The following CSMD1 variants were observed in gnomAD, a reference collection of about 807,000 sequenced individuals.
The protein encoded by CSMD1 is CUB and sushi domain-containing protein 1.
In CSMD1, 213 loss-of-function variants were observed where a neutral mutation model predicts 417.5. The ratio of observed to expected loss-of-function variants is 0.51; its 90% CI spans 0.46 to 0.57. CSMD1 has a LOEUF of 0.57. CSMD1 is among the 20% of genes least tolerant of loss of function. The pLI is 0.00. For synonymous variants in CSMD1, 2,862 were observed against 1,736.8 expected (o/e 1.65, Z -16.11); for missense variants, 6,923 against 4,529.7 (o/e 1.53, Z -15.17).
chr8:4,510,159 T>C (rs919561501), intron 2 of CSMD1, among the ~76,000 whole-genome samples: 5 of 152,016 alleles, frequency 3.3e-5, no homozygotes, highest in Non-Finnish European at 7.4e-5. Flanking sequence ...CCTGCTGCCA[T>C]GGAAGACGTG....
In CSMD1 at chr8:3,463,322, C is replaced by T. The variant is rs138109925; in HGVS notation, c.1561+5390G>A. Among the ~76,000 whole-genome samples, 1,091 of 152,282 alleles carry T rather than the reference C, an allele frequency of 7.2e-3. 14 individuals are homozygous for T. The highest frequency in any genetic ancestry group is 0.025 in the African/African-American group (1,033 of 41,566). On this transcript the variant is annotated intron_variant, in intron 12 of 69. Transcript: ENST00000635120. Reference sequence around the variant, plus strand: ...GCTTCCAAGAAAAAGGATAATTTGTCATAGACTTAAGTCAAGCCCTTGGAA... The same window carrying T: ...GCTTCCAAGAAAAAGGATAATTTGTTATAGACTTAAGTCAAGCCCTTGGAA...
At chr8:4,103,082 G>A (rs1563127134) in intron 3 of CSMD1, among the ~76,000 whole-genome samples, 1 of 152,130 alleles carries the variant, frequency 6.6e-6, no homozygotes, top group Non-Finnish European at 1.5e-5. Flanking sequence ...TTGGTTTTGA[G>A]CTCCAGACAG....
intron 2 of CSMD1, among the ~76,000 whole-genome samples, chr8:4,496,699 C>T (rs768023305): frequency 6.6e-6 from 1 of 152,126 alleles, no homozygotes; most frequent in Admixed American, 6.5e-5. Flanking sequence ...AGGCACAGCA[C>T]TTGCATTCAA....
intron 3 of CSMD1, among the ~76,000 whole-genome samples, chr8:4,385,634 T>C (rs1269670157): frequency 1.3e-5 from 2 of 152,198 alleles, no homozygotes; most frequent in East Asian, 1.9e-4. Context: ...CAGTAACAGA[T>C]GCAAAGACAA....
At chr8:3,565,188 A>G (rs1328196735) in intron 10 of CSMD1, among the ~76,000 whole-genome samples, 1 of 123,690 alleles carries the variant, frequency 8.1e-6, no homozygotes, top group African/African-American at 2.9e-5. Context: ...AAAGAAAGAT[A>G]CATAGATAGA....
At chr8:4,881,994 G>T (rs561971060) in intron 1 of CSMD1, among the ~76,000 whole-genome samples, 54 of 152,166 alleles carry the variant, frequency 3.5e-4, no homozygotes, top group Middle Eastern at 3.4e-3. Context: ...TACCTGGAAA[G>T]AAATCTCAGC....
intron 26 of CSMD1, among the ~76,000 whole-genome samples, chr8:3,252,736 C>G (rs574469185): frequency 6.6e-6 from 1 of 152,300 alleles, no homozygotes; most frequent in African/African-American, 2.4e-5. Context: ...GCCTCAATTT[C>G]AGAGCCTGTT....
At chr8:4,491,010 T>C (rs1801670540) in intron 2 of CSMD1, among the ~76,000 whole-genome samples, 1 of 152,126 alleles carries the variant, frequency 6.6e-6, no homozygotes, top group Admixed American at 6.5e-5. Context: ...GTATTGAGGC[T>C]AGGGACATGT....
chr8:4,729,575 C>T (rs548266947), intron 1 of CSMD1, among the ~76,000 whole-genome samples: 5 of 152,006 alleles, frequency 3.3e-5, no homozygotes, highest in Admixed American at 1.3e-4. Flanking sequence ...TTCGATATTG[C>T]TAGAGAAACA....
At chr8:4,169,029 T>C (rs1472683458) in intron 3 of CSMD1, among the ~76,000 whole-genome samples, 1 of 152,162 alleles carries the variant, frequency 6.6e-6, no homozygotes, top group Non-Finnish European at 1.5e-5. Context: ...CTGTTCCAGT[T>C]GCTGGTTTCT....
chr8:3,141,580 C>T (rs1384317332), intron 41 of CSMD1, among the ~76,000 whole-genome samples: 1 of 152,106 alleles, frequency 6.6e-6, no homozygotes, highest in East Asian at 1.9e-4. Context: ...GATCACATCA[C>T]TATTGTAAAA....
intron 3 of CSMD1, among the ~76,000 whole-genome samples, chr8:4,211,781 A>C (rs1467243096): frequency 6.6e-6 from 1 of 152,196 alleles, no homozygotes; most frequent in African/African-American, 2.4e-5. Context: ...TATTTTCTTC[A>C]AACTGTTTTT....
chr8:4,890,803 A>G (rs1171707750), intron 1 of CSMD1, among the ~76,000 whole-genome samples: 1 of 152,136 alleles, frequency 6.6e-6, no homozygotes, highest in Non-Finnish European at 1.5e-5. Flanking sequence ...CATTCCGGTT[A>G]AGGACGCTTT....
At chr8:3,408,461 G>A (rs150563192) in intron 13 of CSMD1, among the ~76,000 whole-genome samples, 1 of 152,070 alleles carries the variant, frequency 6.6e-6, no homozygotes, top group Non-Finnish European at 1.5e-5. Flanking sequence ...TCAAGCACAA[G>A]CGTGGTTCAA....
intron 5 of CSMD1, among the ~76,000 whole-genome samples, chr8:3,756,714 T>C (rs1320524007): frequency 1.3e-5 from 2 of 152,202 alleles, no homozygotes; most frequent in African/African-American, 4.8e-5. Context: ...CCGCAATCAA[T>C]GCTTGTTTTG....
intron 12 of CSMD1, among the ~76,000 whole-genome samples, chr8:3,411,445 T>C (rs1211068389): frequency 6.6e-6 from 1 of 151,870 alleles, no homozygotes; most frequent in Non-Finnish European, 1.5e-5. Context: ...CCTCATCCCC[T>C]TCACACCCTT....
chr8:4,839,348 C>T (rs1346014617), intron 1 of CSMD1, among the ~76,000 whole-genome samples: 2 of 152,176 alleles, frequency 1.3e-5, no homozygotes, highest in Non-Finnish European at 2.9e-5. Context: ...ATGCATACAA[C>T]CAAGCAAATA....
intron 5 of CSMD1, among the ~76,000 whole-genome samples, chr8:3,817,862 T>G (rs1380699502): frequency 6.6e-6 from 1 of 152,122 alleles, no homozygotes; most frequent in African/African-American, 2.4e-5. Context: ...AGCATACCCT[T>G]CACGGCTTCA....
At chr8:3,962,989 T>A (rs953669252) in intron 5 of CSMD1, among the ~76,000 whole-genome samples, 8 of 152,106 alleles carry the variant, frequency 5.3e-5, no homozygotes, top group Non-Finnish European at 1.0e-4. Flanking sequence ...CAGGCTGGAG[T>A]GCGGTGGAGC....
Sources: gnomAD v4.1 joint callset for allele counts (sites outside exome capture counted in the v4.1 genomes callset) on GRCh38, gnomAD v4.1.1 for gene constraint, MANE v1.5 for transcripts, NCBI Gene and HGNC (gene_info 2026-07-23, HGNC 2026-07-21) for gene names.